The following VHL variants were observed in gnomAD, a reference collection of about 807,000 sequenced individuals.
The protein encoded by VHL is von Hippel-Lindau tumor suppressor.
Under a neutral mutation model 19.2 loss-of-function variants are expected in VHL, and 10 were observed. The observed-to-expected ratio is 0.52, with a 90% CI of 0.32 to 0.89. The LOEUF is 0.89. VHL is among the 40% of genes least tolerant of loss of function. VHL has a pLI of 0.03. For missense variants in VHL, 328 were observed against 292.7 expected, an observed-to-expected ratio of 1.12 and a Z score of -0.88; for synonymous variants, 167 against 129.5, an observed-to-expected ratio of 1.29 and a Z score of -1.97.
chr3:10,141,974 T>C lies in VHL; in HGVS notation c.127T>C (p.Ser43Pro), dbSNP rs1696123001. The C allele has an allele frequency of 6.4e-7, 1 of 1,557,512 alleles. No homozygotes were observed. Among genetic ancestry groups the C allele is most frequent in the Non-Finnish European group, 8.7e-7 (1 of 1,152,660 alleles). Reference sequence around the variant, plus strand: ...CGCCGAGGAGTCCGGCCCGGAAGAGTCCGGCCCGGAGGAACTGGGCGCCGA... The same window carrying C: ...CGCCGAGGAGTCCGGCCCGGAAGAGCCCGGCCCGGAGGAACTGGGCGCCGA... ...SGAEESGPEESGPEELGAEEE... is the reference protein window; with the variant it reads ...SGAEESGPEEPGPEELGAEEE... Residue 43 changes from serine (S) to proline (P), a missense_variant, in exon 1 of 3, where the codon TCC becomes CCC. Ser to Pro is a moderately conservative substitution (Grantham distance 74). Coordinates refer to ENST00000256474, the MANE Select transcript of VHL (RefSeq NM_000551.4).
intron 2 of VHL, 115 bp downstream of exon 2, chr3:10,146,751 A>G (rs1214278874): frequency 8.0e-6 from 10 of 1,242,976 alleles, no homozygotes; most frequent in Non-Finnish European, 3.5e-6. Flanking sequence ...ACGTTATCCA[A>G]TCTTTTTGTA....
Position 10,141,803 on chromosome 3 carries a change from C to A in VHL, c.-45C>A, listed in dbSNP as rs372483939. 6 of 1,535,064 alleles carry A rather than the reference C, an allele frequency of 3.9e-6. No homozygotes were observed. The highest frequency in any genetic ancestry group is 2.8e-5 in the African/African-American group (2 of 72,168). ...GCAGCTCCGCCCCGCGTCCGACCCG[C>A]GGATCCCGCGGCGTCCGGCCCGGGT... On this transcript the variant is annotated 5_prime_UTR_variant, in exon 1 of 3. Transcript: ENST00000256474.
rs916012789 is a variant in VHL, at chr3:10,141,797, G to A, written c.-51G>A. 15 of 1,533,640 alleles carry A rather than the reference G, an allele frequency of 9.8e-6. No homozygotes were observed. Among genetic ancestry groups the A allele is most frequent in the Non-Finnish European group, 1.3e-5 (15 of 1,138,340 alleles). ...GCGCACGCAGCTCCGCCCCGCGTCC[G>A]ACCCGCGGATCCCGCGGCGTCCGGC... On this transcript the variant is annotated 5_prime_UTR_variant, in exon 1 of 3. Coordinates refer to ENST00000256474, the MANE Select transcript of VHL (RefSeq NM_000551.4).
intron 2 of VHL, 95 bp from the exon 3 acceptor site, chr3:10,149,692 A>G (rs1696351810): frequency 1.9e-6 from 2 of 1,079,752 alleles, no homozygotes; most frequent in East Asian, 2.4e-5. Context: ...AGTGAGATCC[A>G]TCAGTAGTAC....
At chr3:10,143,796 A>T (rs969804092) in intron 1 of VHL, among the ~76,000 whole-genome samples, 1 of 152,152 alleles carries the variant, frequency 6.6e-6, no homozygotes, top group Non-Finnish European at 1.5e-5. Context: ...TCAGATTTAT[A>T]TACTGAAAAG....
In VHL at chr3:10,150,428, T is replaced by C; in HGVS notation, c.*463T>C. 1.8e-6 allele frequency: 2 copies of C among 1,101,824 alleles called. No homozygotes were observed. 68.3% of individuals were successfully genotyped at this position (1,101,824 alleles called of 1,614,324 possible). ...CATCCGTGAGGCAGGGACAAGTCTT[T>C]CTCCTCTTTGAGACCCCAGTGCCTG... On this transcript the variant is annotated 3_prime_UTR_variant, in exon 3 of 3. Coordinates refer to ENST00000256474, the MANE Select transcript of VHL (RefSeq NM_000551.4).
At chr3:10,142,634 G>C (rs1365193654) in intron 1 of VHL, 2 of 187,064 alleles carry the variant, frequency 1.1e-5, no homozygotes, top group Non-Finnish European at 2.3e-5. Context: ...ATGAGCCTCC[G>C]CGCCCGGCCC....
chr3:10,145,872 G>C (rs17032456), intron 1 of VHL, among the ~76,000 whole-genome samples: 253 of 152,184 alleles, frequency 1.7e-3, no homozygotes, highest in African/African-American at 5.8e-3. Context: ...TTAGTTTGCA[G>C]GGTTTGCTGT....
At position 10,148,774 on chromosome 3, in the gene VHL, G is replaced by C. The variant is rs189039866; in HGVS notation, c.464-1013G>C. Among the ~76,000 whole-genome samples the C allele has an allele frequency of 5.6e-3, 835 of 150,364 alleles. 8 individuals are homozygous for C. Among genetic ancestry groups the C allele is most frequent in the Middle Eastern group, 0.014 (4 of 288 alleles). On this transcript the variant is annotated intron_variant, in intron 2 of 2. Coordinates refer to ENST00000256474, the MANE Select transcript of VHL (RefSeq NM_000551.4). ...TGGCTCACTGCAACCTCTGCCTCTC[G>C]GGTTCAAGCGATTCTCCTGCTTCAG...
chr3:10,146,777 T>A, intron 2 of VHL, 141 bp downstream of exon 2: 2 of 1,138,752 alleles, frequency 1.8e-6, no homozygotes, highest in Non-Finnish European at 2.6e-6. Flanking sequence ...TTCTCTACCA[T>A]AAATAAAATG....
intron 2 of VHL, among the ~76,000 whole-genome samples, chr3:10,147,945 A>T (rs1252374611): frequency 6.6e-6 from 1 of 151,800 alleles, no homozygotes; most frequent in African/African-American, 2.4e-5. Flanking sequence ...ATTTTTTTTT[A>T]ATTACCTGGG....
At chr3:10,148,513 A>G (rs1198785900) in intron 2 of VHL, among the ~76,000 whole-genome samples, 2 of 150,386 alleles carry the variant, frequency 1.3e-5, no homozygotes, top group Non-Finnish European at 3.0e-5. Flanking sequence ...ACGGGGTTTC[A>G]CCGTTTTAGC....
At position 10,141,941 on chromosome 3, in the gene VHL, G is replaced by C; in HGVS notation, c.94G>C (p.Glu32Gln). The change falls in exon 1 of 3, where the codon GAG (glutamate) becomes CAG (glutamine). Residue 32 changes from glutamate to glutamine, a missense_variant. By Grantham distance (29) the Glu-to-Gln change is conservative (BLOSUM62 2). Coordinates refer to ENST00000256474, the MANE Select transcript of VHL (RefSeq NM_000551.4). ...CGGCCCTGAAGAAGACGGCGGGGAG[G>C]AGTCGGGCGCCGAGGAGTCCGGCCC... ...EYGPEEDGGE[E>Q]SGAEESGPEE... 2 of 1,541,638 alleles carry C rather than the reference G, an allele frequency of 1.3e-6. No individual in the cohort carries two copies. Among genetic ancestry groups the C allele is most frequent in the South Asian group, 2.4e-5 (2 of 83,282 alleles).
intron 2 of VHL, among the ~76,000 whole-genome samples, chr3:10,147,675 T>A (rs2125129226): frequency 6.6e-6 from 1 of 152,188 alleles, no homozygotes; most frequent in South Asian, 2.1e-4. Context: ...TGTTTTTTTT[T>A]TTTTTTAAAT....
chr3:10,142,411 TCTCGA>T (rs1696149735), intron 1 of VHL: 1 of 563,860 alleles, frequency 1.8e-6, no homozygotes, highest in Admixed American at 3.6e-5. Flanking sequence ...AGTGGCGCGA[TCTCGA>T]CTCACTGCAG....
intron 1 of VHL, among the ~76,000 whole-genome samples, chr3:10,144,261 G>A (rs1696199059): frequency 6.6e-6 from 1 of 151,666 alleles, no homozygotes; most frequent in Non-Finnish European, 1.5e-5. Context: ...GAGCCCAGGA[G>A]CTGGAGACCA....
rs893572737 is a variant in VHL at position 10,141,832 on chromosome 3, C to T, written c.-16C>T. On this transcript the variant is annotated 5_prime_UTR_variant, in exon 1 of 3. Transcript: ENST00000256474. ...TCCCGCGGCGTCCGGCCCGGGTGGT[C>T]TGGATCGCGGAGGGAATGCCCCGGA... 1.3e-6 allele frequency: 2 copies of T among 1,536,846 alleles called. No individual in the cohort carries two copies. The highest frequency in any genetic ancestry group is 1.8e-6 in the Non-Finnish European group (2 of 1,141,542).
intron 2 of VHL, among the ~76,000 whole-genome samples, chr3:10,147,949 A>T (rs543671605): frequency 2.0e-5 from 3 of 151,772 alleles, no homozygotes; most frequent in Non-Finnish European, 4.4e-5. Context: ...TTTTTTAATT[A>T]CCTGGGCATC....
chr3:10,147,673 T>C, intron 2 of VHL, among the ~76,000 whole-genome samples: 1 of 152,182 alleles, frequency 6.6e-6, no homozygotes, highest in African/African-American at 2.4e-5. Flanking sequence ...CCTGTTTTTT[T>C]TTTTTTTTAA....
Sources: gnomAD v4.1 joint callset for allele counts (sites outside exome capture counted in the v4.1 genomes callset) on GRCh38, gnomAD v4.1.1 for gene constraint, MANE v1.5 for transcripts, NCBI Gene and HGNC (gene_info 2026-07-23, HGNC 2026-07-21) for gene names.